UBR3: variants seen among roughly 807,000 people sequenced by gnomAD.
UBR3 encodes E3 ubiquitin-protein ligase UBR3.
In UBR3, 85 loss-of-function variants were observed where a neutral mutation model predicts 243.2. The observed-to-expected ratio is 0.35, with a 90% confidence interval of 0.29 to 0.42. UBR3 has a LOEUF of 0.42. UBR3 is among the 10% of genes least tolerant of loss of function. The pLI, the probability that UBR3 is intolerant of heterozygous loss-of-function variation, is 1.00. For synonymous variants in UBR3, 748 were observed against 799.8 expected, an observed-to-expected ratio of 0.94 and a Z score of 1.09; for missense variants, 1,686 against 2,300.8, an observed-to-expected ratio of 0.73 and a Z score of 5.47.
At chr2:170,041,997 CA>C (rs58737324) in intron 32 of UBR3, among the ~76,000 whole-genome samples, 6,124 of 152,228 alleles carry the variant, frequency 0.04, 181 homozygotes, top group East Asian at 0.11. Context: ...TTAAAGTATA[CA>C]ACTGAAGTGC....
Position 169,958,800 on chromosome 2 carries a change from G to T in UBR3, c.3634+274G>T, listed in dbSNP as rs540559979. 4.8e-4 allele frequency among the ~76,000 whole-genome samples: 73 copies of T among 152,252 alleles called. 1 individual carries two copies. Among genetic ancestry groups the T allele is most frequent in the African/African-American group, 1.6e-3 (68 of 41,560 alleles). ...CTTCTGTTAAACGGTCTTTAGATTT[G>T]TGAGATCCATCAATGTACATTTACT... On this transcript the variant is annotated intron_variant, in intron 24 of 38. Coordinates refer to ENST00000272793, the MANE Select transcript of UBR3 (RefSeq NM_172070.4).
At chr2:169,880,745 G>A (rs1490468519) in intron 5 of UBR3, among the ~76,000 whole-genome samples, 1 of 151,884 alleles carries the variant, frequency 6.6e-6, no homozygotes, top group African/African-American at 2.4e-5. Context: ...TCCTTTTTAG[G>A]TCCTCACTTC....
At position 170,082,179 on chromosome 2, in the gene UBR3, G is replaced by A. The variant is rs1372305941; in HGVS notation, c.*336G>A. ...AGCTATTCATTGATACTTAGAGTGG[G>A]TGTGATTTATTTGACATTTTACTGC... On this transcript the variant is annotated 3_prime_UTR_variant, in exon 39 of 39. Coordinates refer to ENST00000272793, the MANE Select transcript of UBR3 (RefSeq NM_172070.4). 1 of 180,398 alleles carries A rather than the reference G, an allele frequency of 5.5e-6. No individual in the cohort carries two copies. Among genetic ancestry groups the A allele is most frequent in the African/African-American group, 2.3e-5 (1 of 42,674 alleles). The allele number at this position is 180,398 out of a possible 1,614,324, so 11.2% of individuals were successfully genotyped here.
intron 24 of UBR3, among the ~76,000 whole-genome samples, chr2:169,980,886 G>A (rs2105383706): frequency 6.6e-6 from 1 of 151,242 alleles, no homozygotes; most frequent in East Asian, 2.0e-4. Flanking sequence ...AACATGCAGG[G>A]TGGATCTGGT....
intron 1 of UBR3, among the ~76,000 whole-genome samples, chr2:169,871,756 A>AAAAAAAAAAAAAAAG (rs11448539): frequency 6.6e-6 from 1 of 151,548 alleles, no homozygotes; most frequent in Non-Finnish European, 1.5e-5. Context: ...AAAAAAAAAA[A>AAAAAAAAAAAAAAAG]GAATATAAAC....
chr2:170,007,720 C>T (rs2089964866), intron 28 of UBR3, among the ~76,000 whole-genome samples: 1 of 152,160 alleles, frequency 6.6e-6, no homozygotes, highest in Admixed American at 6.5e-5. Flanking sequence ...AAAAATTGGC[C>T]GGGCACAGTG....
At chr2:170,039,763 T>G (rs1483052819) in intron 31 of UBR3, among the ~76,000 whole-genome samples, 2 of 152,170 alleles carry the variant, frequency 1.3e-5, no homozygotes, top group East Asian at 3.8e-4. Flanking sequence ...AAATTAAACA[T>G]GTAGTCAAAA....
intron 18 of UBR3, among the ~76,000 whole-genome samples, chr2:169,930,594 C>T (rs951984187): frequency 6.6e-6 from 1 of 152,086 alleles, no homozygotes; most frequent in African/African-American, 2.4e-5. Context: ...CTGTGTTGCC[C>T]AGGCTGGTCT....
At chr2:169,923,311 A>C (rs1369371360) in intron 11 of UBR3, among the ~76,000 whole-genome samples, 1 of 152,172 alleles carries the variant, frequency 6.6e-6, no homozygotes, top group East Asian at 1.9e-4. Context: ...GTCTTCTTAC[A>C]GTTTTGAATA....
intron 19 of UBR3, 98 bp from the exon 20 acceptor site, chr2:169,942,395 A>G: frequency 7.9e-7 from 1 of 1,260,574 alleles, no homozygotes; most frequent in Non-Finnish European, 1.1e-6. Flanking sequence ...AGCACTGCAT[A>G]AAATATTGTG....
chr2:169,999,492 A>C (rs1234537011), intron 26 of UBR3, among the ~76,000 whole-genome samples: 2 of 152,240 alleles, frequency 1.3e-5, no homozygotes, highest in Non-Finnish European at 2.9e-5. Flanking sequence ...ATCTTACATT[A>C]TAAAAATAAA....
chr2:169,961,347 A>T (rs758354936), intron 24 of UBR3, among the ~76,000 whole-genome samples: 1 of 150,892 alleles, frequency 6.6e-6, no homozygotes, highest in African/African-American at 2.4e-5. Context: ...GTATATATAT[A>T]CATTTTTTTT....
chr2:170,065,349 C>T (rs559521790), intron 35 of UBR3, among the ~76,000 whole-genome samples: 2 of 152,110 alleles, frequency 1.3e-5, no homozygotes, highest in South Asian at 2.1e-4. Flanking sequence ...TGCAGTGGCA[C>T]GATCTCAGCT....
intron 24 of UBR3, among the ~76,000 whole-genome samples, chr2:169,962,743 G>T (rs2087636381): frequency 8.3e-6 from 1 of 120,498 alleles, no homozygotes; most frequent in Non-Finnish European, 2.1e-5. Flanking sequence ...AGAGTTTAGG[G>T]TGTTTCTTTT....
chr2:170,021,313 G>A (rs1200269422), intron 30 of UBR3, among the ~76,000 whole-genome samples: 3 of 152,090 alleles, frequency 2.0e-5, no homozygotes, highest in Non-Finnish European at 2.9e-5. Flanking sequence ...CATAGACTGG[G>A]TGGCTTATAT....
intron 32 of UBR3, among the ~76,000 whole-genome samples, chr2:170,047,705 CA>C (rs2091123067): frequency 6.6e-6 from 1 of 152,096 alleles, no homozygotes; most frequent in African/African-American, 2.4e-5. Context: ...AACTTTGGTC[CA>C]AAAAGAGTAA....
At chr2:169,982,832 C>T (rs980490950) in intron 24 of UBR3, among the ~76,000 whole-genome samples, 1 of 151,992 alleles carries the variant, frequency 6.6e-6, no homozygotes, top group Non-Finnish European at 1.5e-5. Flanking sequence ...AAAAACAACC[C>T]CTAGTTAGTT....
At chr2:169,945,254 A>G (rs548526244) in intron 20 of UBR3, among the ~76,000 whole-genome samples, 3 of 152,226 alleles carry the variant, frequency 2.0e-5, no homozygotes, top group East Asian at 1.9e-4. Flanking sequence ...CTGAAGGTCA[A>G]CTAGGAATAG....
rs745631433 is a variant in UBR3 at position 170,055,566 on chromosome 2, C to T, written c.4767C>T (p.His1589=). The part of the protein sequence containing the change: ...CSEEDRSAWK[H]AGALKKSTCD... ...AAGAAGATAGGTCAGCCTGGAAACA[C>T]GCGGGAGCTCTCAAAAAGGTTAGGC... is the stretch of plus-strand genomic sequence containing the variant. Residue 1589 remains histidine (H), a synonymous_variant, in exon 33 of 39, where the codon CAC becomes CAT. Transcript: ENST00000272793. 2.3e-5 allele frequency: 37 copies of T among 1,613,198 alleles called. No individual in the cohort carries two copies. Among genetic ancestry groups the T allele is most frequent in the African/African-American group, 8.0e-5 (6 of 74,892 alleles).
Sources: gnomAD v4.1 joint callset for allele counts (sites outside exome capture counted in the v4.1 genomes callset) on GRCh38, gnomAD v4.1.1 for gene constraint, MANE v1.5 for transcripts, NCBI Gene and HGNC (gene_info 2026-07-23, HGNC 2026-07-21) for gene names.